The following THSD7B variants were observed in gnomAD, a reference collection of about 807,000 sequenced individuals.
THSD7B encodes the protein thrombospondin type-1 domain-containing protein 7B.
Under a neutral mutation model 213.6 loss-of-function variants are expected in THSD7B, and 138 were observed. The observed-to-expected ratio is 0.65, with a 90% CI of 0.56 to 0.74. The LOEUF (loss-of-function observed/expected upper bound fraction) is 0.74, where lower values mean the gene tolerates loss of function less well. THSD7B is among the 30% of genes least tolerant of loss of function. The pLI is 0.00. For missense variants in THSD7B, 1,931 were observed against 1,991.5 expected (o/e 0.97, Z 0.58); for synonymous variants, 742 against 687.0 (o/e 1.08, Z -1.25).
intron 16 of THSD7B, among the ~76,000 whole-genome samples, chr2:137,571,055 C>A (rs1681344928): frequency 6.6e-6 from 1 of 152,182 alleles, no homozygotes. Flanking sequence ...GTGAACACAA[C>A]TGTGTAACCA....
chr2:137,310,047 G>A (rs1683856124), intron 12 of THSD7B, among the ~76,000 whole-genome samples: 1 of 149,484 alleles, frequency 6.7e-6, no homozygotes, highest in Non-Finnish European at 1.5e-5. Flanking sequence ...GGGTCAAATG[G>A]TATTTCTAGT....
At chr2:137,229,899 T>G (rs561244774) in intron 7 of THSD7B, among the ~76,000 whole-genome samples, 29 of 152,228 alleles carry the variant, frequency 1.9e-4, no homozygotes, top group Non-Finnish European at 3.1e-4. Flanking sequence ...CAATAAATAC[T>G]AGTCCCCTTC....
intron 9 of THSD7B, among the ~76,000 whole-genome samples, chr2:137,237,514 C>A (rs1681793103): frequency 6.6e-6 from 1 of 152,160 alleles, no homozygotes; most frequent in South Asian, 2.1e-4. Context: ...ATTTTTAAGG[C>A]ACGATACAAA....
At chr2:137,396,723 G>A (rs1574004432) in intron 12 of THSD7B, among the ~76,000 whole-genome samples, 2 of 144,958 alleles carry the variant, frequency 1.4e-5, no homozygotes, top group East Asian at 4.0e-4. Context: ...TATCCTTGTT[G>A]ACTTTCTGTC....
At chr2:137,065,063 A>G (rs546760269) in intron 3 of THSD7B, among the ~76,000 whole-genome samples, 1 of 151,718 alleles carries the variant, frequency 6.6e-6, no homozygotes, top group East Asian at 1.9e-4. Flanking sequence ...AATATTATTG[A>G]TATTTTCATA....
At chr2:136,815,692 C>T (rs1682458108) in intron 1 of THSD7B, among the ~76,000 whole-genome samples, 1 of 152,050 alleles carries the variant, frequency 6.6e-6, no homozygotes, top group Non-Finnish European at 1.5e-5. Context: ...TGGTAAATGT[C>T]ATGAACTTAG....
chr2:136,917,473 C>A (rs1187027475), intron 2 of THSD7B, among the ~76,000 whole-genome samples: 3 of 152,164 alleles, frequency 2.0e-5, no homozygotes, highest in African/African-American at 7.2e-5. Flanking sequence ...GTATTGAGCT[C>A]TCAGCTGGGG....
intron 3 of THSD7B, among the ~76,000 whole-genome samples, chr2:137,077,362 A>T (rs1332722162): frequency 6.6e-6 from 1 of 152,138 alleles, no homozygotes; most frequent in African/African-American, 2.4e-5. Context: ...GGCTGGGTCA[A>T]ACAGGATTTC....
intron 26 of THSD7B, among the ~76,000 whole-genome samples, chr2:137,667,244 T>C (rs1243097632): frequency 6.6e-6 from 1 of 152,214 alleles, no homozygotes; most frequent in African/African-American, 2.4e-5. Flanking sequence ...TTTGATTGAC[T>C]ATCTTACATT....
intron 15 of THSD7B, among the ~76,000 whole-genome samples, chr2:137,551,971 C>A (rs1351406865): frequency 6.6e-6 from 1 of 152,096 alleles, no homozygotes; most frequent in Admixed American, 6.5e-5. Context: ...TCTTGAGAGA[C>A]CAATAGTACA....
At chr2:136,913,888 T>C (rs1404960342) in intron 2 of THSD7B, among the ~76,000 whole-genome samples, 1 of 152,204 alleles carries the variant, frequency 6.6e-6, no homozygotes, top group Non-Finnish European at 1.5e-5. Flanking sequence ...GGAGCCCCCA[T>C]GCAGAGTCCC....
chr2:137,262,783 T>C (rs1288043052), intron 10 of THSD7B, among the ~76,000 whole-genome samples: 2 of 152,120 alleles, frequency 1.3e-5, no homozygotes, highest in African/African-American at 4.8e-5. Context: ...TCCCTGGGGA[T>C]TTTTTTAAAA....
chr2:137,670,692 C>A (rs573996061), intron 27 of THSD7B, among the ~76,000 whole-genome samples: 1 of 151,990 alleles, frequency 6.6e-6, no homozygotes, highest in Non-Finnish European at 1.5e-5. Flanking sequence ...GAGGCCAAGG[C>A]GGGCGGATCA....
At chr2:137,182,585 A>G (rs571770034) in intron 7 of THSD7B, among the ~76,000 whole-genome samples, 2 of 152,292 alleles carry the variant, frequency 1.3e-5, no homozygotes, top group South Asian at 2.1e-4. Flanking sequence ...CGCATCCTGT[A>G]TGAGAATCCG....
At chr2:137,313,355 G>T (rs991177532) in intron 12 of THSD7B, among the ~76,000 whole-genome samples, 2 of 151,816 alleles carry the variant, frequency 1.3e-5, no homozygotes, top group Non-Finnish European at 2.9e-5. Context: ...TTTTCCATTT[G>T]CTTGGTAGAT....
intron 12 of THSD7B, among the ~76,000 whole-genome samples, chr2:137,334,353 C>G (rs942887429): frequency 6.6e-6 from 1 of 152,148 alleles, no homozygotes; most frequent in African/African-American, 2.4e-5. Context: ...ATGAACTCCA[C>G]AGGAGTGAGA....
At chr2:137,398,744 T>C (rs1020904710) in intron 12 of THSD7B, among the ~76,000 whole-genome samples, 19 of 152,184 alleles carry the variant, frequency 1.2e-4, no homozygotes, top group Non-Finnish European at 2.6e-4. Context: ...TGGGCAATGG[T>C]GGGCGCCCCT....
At chr2:137,263,050 G>T (rs571207522) in intron 10 of THSD7B, among the ~76,000 whole-genome samples, 16 of 152,262 alleles carry the variant, frequency 1.1e-4, no homozygotes, top group African/African-American at 2.6e-4. Flanking sequence ...AACAGCAGTG[G>T]TTGGGGATAG....
intron 9 of THSD7B, 96 bp from the exon 10 acceptor site, chr2:137,242,361 A>G: frequency 3.5e-6 from 3 of 866,092 alleles, no homozygotes; most frequent in Admixed American, 4.3e-5. Flanking sequence ...AGGGAACATG[A>G]GGCCCTTAAT....
Sources: gnomAD v4.1 joint callset for allele counts (sites outside exome capture counted in the v4.1 genomes callset) on GRCh38, gnomAD v4.1.1 for gene constraint, MANE v1.5 for transcripts, NCBI Gene and HGNC (gene_info 2026-07-23, HGNC 2026-07-21) for gene names.